Variants in CRISPLD2 observed in about 807,000 individuals in gnomAD.
The protein encoded by CRISPLD2 is cysteine rich secretory protein LCCL domain containing 2.
Under a neutral mutation model 71.1 loss-of-function variants are expected in CRISPLD2, and 47 were observed. The observed-to-expected ratio is 0.66, with a 90% CI of 0.52 to 0.84. The LOEUF (loss-of-function observed/expected upper bound fraction) is 0.84. CRISPLD2 is among the 40% of genes least tolerant of loss of function. The pLI is 0.00. For synonymous variants in CRISPLD2, 317 were observed against 250.1 expected, an observed-to-expected ratio of 1.27 and a Z score of -2.52; for missense variants, 830 against 651.1, an observed-to-expected ratio of 1.27 and a Z score of -2.99.
chr16:84,899,462 A>G lies in CRISPLD2; in HGVS notation c.1440-7126A>G, dbSNP rs111304285. 3.7e-3 allele frequency among the ~76,000 whole-genome samples: 556 copies of G among 152,310 alleles called. 2 individuals carry two copies. The highest frequency in any genetic ancestry group is 0.013 in the African/African-American group (523 of 41,560). On this transcript the variant is annotated intron_variant, in intron 14 of 14. Transcript: ENST00000262424. Reference sequence around the variant, plus strand: ...ACGTACAACTACCAACTTCCCCAGCATACCTGGAGCTTAATAACTGCTTGA... The same window carrying G: ...ACGTACAACTACCAACTTCCCCAGCGTACCTGGAGCTTAATAACTGCTTGA...
intron 3 of CRISPLD2, among the ~76,000 whole-genome samples, chr16:84,848,684 T>A (rs1916984762): frequency 6.6e-6 from 1 of 152,116 alleles, no homozygotes; most frequent in Non-Finnish European, 1.5e-5. Flanking sequence ...CAGGTGATCC[T>A]ACCGCCTCAG....
At chr16:84,861,937 A>G (rs1917395759) in intron 6 of CRISPLD2, among the ~76,000 whole-genome samples, 2 of 152,144 alleles carry the variant, frequency 1.3e-5, no homozygotes, top group Admixed American at 6.5e-5. Context: ...CTCTAAAAAC[A>G]TAAAACAGAC....
chr16:84,846,577 T>G (rs143022510), intron 3 of CRISPLD2, among the ~76,000 whole-genome samples: 23 of 152,172 alleles, frequency 1.5e-4, no homozygotes, highest in Non-Finnish European at 3.1e-4. Context: ...TTCCATTCCA[T>G]CTCCTGTGCA....
intron 2 of CRISPLD2, among the ~76,000 whole-genome samples, chr16:84,844,713 C>G (rs570376203): frequency 6.6e-6 from 1 of 152,156 alleles, no homozygotes; most frequent in Admixed American, 6.5e-5. Context: ...CCATTCATCT[C>G]GGGGCCCTTC....
rs1030095848 is a variant in CRISPLD2, at chr16:84,908,844, A to G, written c.*2202A>G. 1 of 152,032 alleles carries G rather than the reference A, an allele frequency of 6.6e-6. No individual in the cohort carries two copies. The highest frequency in any genetic ancestry group is 1.5e-5 in the Non-Finnish European group (1 of 68,024). 9.4% of individuals were successfully genotyped at this position (152,032 alleles called of 1,614,324 possible). On this transcript the variant is annotated 3_prime_UTR_variant, in exon 15 of 15. Transcript: ENST00000262424. ...CCTGGGACTACAGGCGTGAGCTACC[A>G]TGCCCGGCTAATTTTTGTATTTTTA...
Position 84,906,802 on chromosome 16 carries a change from A to C in CRISPLD2, c.*160A>C. On this transcript the variant is annotated 3_prime_UTR_variant, in exon 15 of 15. Transcript: ENST00000262424. ...TGGCCTGTGGGTGAGGTGACATCTC[A>C]TCCCCTCACTGAAGCAACAGCATCC... The C allele has an allele frequency of 2.4e-6, 2 of 821,516 alleles. No individual in the cohort carries two copies. The highest frequency in any genetic ancestry group is 2.0e-6 in the Non-Finnish European group (1 of 488,878). 50.9% of individuals were successfully genotyped at this position (821,516 alleles called of 1,614,324 possible).
chr16:84,875,610 G>T (rs868292029), intron 11 of CRISPLD2, among the ~76,000 whole-genome samples: 1 of 151,424 alleles, frequency 6.6e-6, no homozygotes, highest in South Asian at 2.1e-4. Flanking sequence ...AGCCTGGAGT[G>T]CAGTGGCGCA....
intron 6 of CRISPLD2, among the ~76,000 whole-genome samples, chr16:84,861,363 C>T (rs1327749669): frequency 2.0e-5 from 3 of 152,082 alleles, no homozygotes; most frequent in South Asian, 2.1e-4. Context: ...GAGTGTTAAA[C>T]TCACACAATC....
intron 14 of CRISPLD2, among the ~76,000 whole-genome samples, chr16:84,903,300 A>G (rs2071771669): frequency 6.6e-6 from 1 of 151,998 alleles, no homozygotes; most frequent in Non-Finnish European, 1.5e-5. Flanking sequence ...AACATTCCGG[A>G]AAGTATCCTT....
chr16:84,902,238 C>G (rs979414130), intron 14 of CRISPLD2, among the ~76,000 whole-genome samples: 2 of 152,104 alleles, frequency 1.3e-5, no homozygotes, highest in Non-Finnish European at 2.9e-5. Context: ...ATCCCAAGTA[C>G]AGAATAGAAA....
chr16:84,869,558 G>A (rs1442733184), intron 8 of CRISPLD2, among the ~76,000 whole-genome samples: 1 of 152,242 alleles, frequency 6.6e-6, no homozygotes, highest in African/African-American at 2.4e-5. Flanking sequence ...TGGACTTGGA[G>A]CAGCCGGGAT....
chr16:84,901,054 A>G (rs2143385670), intron 14 of CRISPLD2, among the ~76,000 whole-genome samples: 1 of 152,042 alleles, frequency 6.6e-6, no homozygotes, highest in South Asian at 2.1e-4. Context: ...CGCAAAAAAA[A>G]AAAGATTAGA....
chr16:84,844,754 G>C (rs368592687), intron 2 of CRISPLD2, among the ~76,000 whole-genome samples: 2 of 152,188 alleles, frequency 1.3e-5, no homozygotes, highest in African/African-American at 4.8e-5. Context: ...TGGCCAGTGA[G>C]AGTCTAAAAT....
Position 84,866,928 on chromosome 16 carries a change from C to G in CRISPLD2, c.741C>G (p.Asp247Glu), listed in dbSNP as rs199707289. 260 of 1,614,014 alleles carry G rather than the reference C, an allele frequency of 1.6e-4. No individual in the cohort carries two copies. Among genetic ancestry groups the G allele is most frequent in the South Asian group, 8.8e-4 (80 of 91,068 alleles). ...EETYTPKPET[D>E]EMNEVETAPI... ...CCTACACTCCAAAACCTGAAACGGACGAGATGAATGAGGTGGAAACGGCTC... is the reference window on the plus strand; with the variant it reads ...CCTACACTCCAAAACCTGAAACGGAGGAGATGAATGAGGTGGAAACGGCTC... The change falls in exon 7 of 15, where the codon GAC becomes GAG. Residue 247 changes from aspartate (D) to glutamate (E), a missense_variant. Coordinates refer to ENST00000262424, the MANE Select transcript of CRISPLD2 (RefSeq NM_031476.4).
chr16:84,888,574 C>G (rs1007638723), intron 13 of CRISPLD2, among the ~76,000 whole-genome samples: 21 of 152,232 alleles, frequency 1.4e-4, no homozygotes, highest in African/African-American at 5.1e-4. Context: ...CCAGACGCCA[C>G]CCTGTGTCCA....
intron 1 of CRISPLD2, chr16:84,828,331 C>G (rs1202958729): frequency 6.6e-6 from 1 of 152,128 alleles, no homozygotes; most frequent in East Asian, 1.9e-4. Context: ...TAAACATGAT[C>G]CTGGGTAGTC....
chr16:84,890,203 C>CA (rs1223265883), intron 14 of CRISPLD2, among the ~76,000 whole-genome samples: 1 of 151,740 alleles, frequency 6.6e-6, no homozygotes, highest in African/African-American at 2.4e-5. Flanking sequence ...ACTAAAAATA[C>CA]AAAAAATTAG....
intron 14 of CRISPLD2, among the ~76,000 whole-genome samples, chr16:84,896,633 C>G (rs886483792): frequency 6.6e-6 from 1 of 152,072 alleles, no homozygotes; most frequent in Non-Finnish European, 1.5e-5. Flanking sequence ...GGAAGGTAGG[C>G]GAGGCTGAGC....
rs2071689373 is a variant in CRISPLD2, at chr16:84,894,521, A to T, written c.1439+5158A>T. Among the ~76,000 whole-genome samples the T allele has an allele frequency of 3.3e-5, 5 of 152,170 alleles. No individual in the cohort carries two copies. In the South Asian group the frequency reaches 1.0e-3, roughly 32 times the overall value. ...CTAGGGACTGGGGACACTGCCGGGA[A>T]CAGAAGAGAGAAAAATCCCTGTCCT... On this transcript the variant is annotated intron_variant, in intron 14 of 14. Transcript: ENST00000262424.
Sources: allele counts gnomAD v4.1 joint callset (sites outside exome capture counted in the v4.1 genomes callset), GRCh38; gene constraint gnomAD v4.1.1; transcripts MANE v1.5; gene names NCBI Gene and HGNC (gene_info 2026-07-23, HGNC 2026-07-21).